Variants in WDR11 observed in about 807,000 individuals in gnomAD.
WDR11 encodes WD repeat-containing protein 11.
A neutral mutation model predicts 151.2 loss-of-function variants in WDR11; 83 were observed. The observed-to-expected ratio is 0.55, with a 90% CI of 0.46 to 0.66. The LOEUF (loss-of-function observed/expected upper bound fraction) is 0.66. Among genes scored for constraint, WDR11 ranks in the 30% least tolerant of loss-of-function variants. The pLI is 0.00. For synonymous variants in WDR11, 484 were observed against 533.1 expected (o/e 0.91, Z 1.27); for missense variants, 1,301 against 1,480.9 (o/e 0.88, Z 1.99).
chr10:120,881,078 CTT>C (rs893498826), intron 13 of WDR11, among the ~76,000 whole-genome samples, 177 bp downstream of exon 13: 1 of 152,114 alleles, frequency 6.6e-6, no homozygotes, highest in Non-Finnish European at 1.5e-5. Context: ...GTTGCTATCA[CTT>C]TTAATTCTCT....
chr10:120,890,158 G>T, intron 18 of WDR11, 149 bp downstream of exon 18: 1 of 614,222 alleles, frequency 1.6e-6, no homozygotes, highest in Non-Finnish European at 2.9e-6. Flanking sequence ...TTACTTTACA[G>T]TATTTGTGTT....
chr10:120,878,546 C>G, intron 12 of WDR11, 87 bp downstream of exon 12: 1 of 1,113,646 alleles, frequency 9.0e-7, no homozygotes, highest in Non-Finnish European at 1.3e-6. Flanking sequence ...CTTCTTTCAC[C>G]TTGGAATTTT....
In WDR11 at chr10:120,889,082, G is replaced by T. The variant is rs757956650; in HGVS notation, c.2126G>T (p.Ser709Ile). ...TTTGTTGCTGTTGTTTTCTAGGGAAGTATGGGTAGTATTACCTGCATCGCT... is the reference window on the plus strand; with the variant it reads ...TTTGTTGCTGTTGTTTTCTAGGGAATTATGGGTAGTATTACCTGCATCGCT... ...KDSARIPPDG[S>I]MGSITCIAWK... Residue 709 changes from serine (S) to isoleucine (I), a missense_variant, in exon 17 of 29, where the codon AGT becomes ATT. Coordinates refer to ENST00000263461, the MANE Select transcript of WDR11 (RefSeq NM_018117.12). The T allele has an allele frequency of 6.2e-7, 1 of 1,608,382 alleles. No individual in the cohort carries two copies. The highest frequency in any genetic ancestry group is 8.5e-7 in the Non-Finnish European group (1 of 1,174,876).
intron 10 of WDR11, among the ~76,000 whole-genome samples, chr10:120,873,496 C>T (rs1846621640): frequency 6.6e-6 from 1 of 152,244 alleles, no homozygotes; most frequent in Middle Eastern, 3.4e-3. Flanking sequence ...TATAATAAAC[C>T]TTCTGAGTCT....
At position 120,904,805 on chromosome 10, in the gene WDR11, T is replaced by C. The variant is rs751624598; in HGVS notation, c.3187T>C (p.Leu1063=). The C allele has an allele frequency of 3.1e-6, 5 of 1,614,186 alleles. No individual in the cohort carries two copies. Among genetic ancestry groups the C allele is most frequent in the Admixed American group, 3.3e-5 (2 of 60,022 alleles). ...VATNMIANGK[L]AEGVQLLCLI... The stretch of plus-strand genomic sequence containing the variant: ...AACGAATATGATTGCCAATGGCAAA[T>C]TGGCAGGTAAGGCACACTTGATATG... Residue 1063 remains leucine, a synonymous_variant, in exon 25 of 29, where the codon TTG becomes CTG. Transcript: ENST00000263461.
chr10:120,866,532 G>A (rs1846317494), intron 7 of WDR11, 37 bp from the exon 8 acceptor site: 3 of 1,611,848 alleles, frequency 1.9e-6, no homozygotes, highest in Non-Finnish European at 2.5e-6. Flanking sequence ...GTATCGATAT[G>A]GCTGCTTTCT....
At chr10:120,897,661 G>A (rs1206403740) in intron 19 of WDR11, among the ~76,000 whole-genome samples, 3 of 151,970 alleles carry the variant, frequency 2.0e-5, no homozygotes, top group Non-Finnish European at 4.4e-5. Context: ...CAGCTGACCA[G>A]GACTCTTCAA....
In WDR11 at chr10:120,859,450, G is replaced by T. The variant is rs539444952; in HGVS notation, c.352+654G>T. On this transcript the variant is annotated intron_variant, in intron 3 of 28. Transcript: ENST00000263461. ...ACCCAGCTAATTTTTTGTATTTTTAGTAGAGACGGGGTTTTACCATGTTAG... is the reference window on the plus strand; with the variant it reads ...ACCCAGCTAATTTTTTGTATTTTTATTAGAGACGGGGTTTTACCATGTTAG... Among the ~76,000 whole-genome samples, 235 of 151,740 alleles carry T rather than the reference G, an allele frequency of 1.5e-3. 1 individual carries two copies. In the South Asian group the frequency reaches 0.02, roughly 13 times the overall value.
chr10:120,897,720 C>T (rs1847664933), intron 19 of WDR11, among the ~76,000 whole-genome samples: 1 of 152,086 alleles, frequency 6.6e-6, no homozygotes, highest in Non-Finnish European at 1.5e-5. Flanking sequence ...GAGGACCATT[C>T]TAGATTGGAA....
At position 120,871,241 on chromosome 10, in the gene WDR11, C is replaced by T. The variant is rs754732618; in HGVS notation, c.1366C>T (p.Leu456=). 2 of 1,614,198 alleles carry T rather than the reference C, an allele frequency of 1.2e-6. No homozygotes were observed. Among genetic ancestry groups the T allele is most frequent in the Non-Finnish European group, 1.7e-6 (2 of 1,180,028 alleles). The stretch of plus-strand genomic sequence containing the variant: ...GCGGGAAGTGCACCTCAAGTTCCTG[C>T]TGACGGGACTGCTTTCAGGACTGCC... ...ILREVHLKFL[L]TGLLSGLPAP... Residue 456 remains leucine, a synonymous_variant, in exon 10 of 29, where the codon CTG becomes TTG. Coordinates refer to ENST00000263461, the MANE Select transcript of WDR11 (RefSeq NM_018117.12).
At chr10:120,863,426 TTC>T (rs1422492728) in intron 5 of WDR11, among the ~76,000 whole-genome samples, 1 of 152,192 alleles carries the variant, frequency 6.6e-6, no homozygotes, top group Non-Finnish European at 1.5e-5. Flanking sequence ...TTACTCAAAT[TTC>T]TCTCTCCCAG....
At chr10:120,878,326 T>A in intron 11 of WDR11, 27 bp from the exon 12 acceptor site, 1 of 1,528,526 alleles carries the variant, frequency 6.5e-7, no homozygotes, top group Non-Finnish European at 9.0e-7. Context: ...AGAATTAGTT[T>A]AACCTTTATC....
chr10:120,903,753 A>G (rs1407825237), intron 23 of WDR11, among the ~76,000 whole-genome samples: 1 of 152,232 alleles, frequency 6.6e-6, no homozygotes, highest in East Asian at 1.9e-4. Flanking sequence ...TGCTGTTCAC[A>G]TGATAATTTC....
chr10:120,873,647 G>A (rs1006060179), intron 10 of WDR11, among the ~76,000 whole-genome samples, 192 bp from the exon 11 acceptor site: 1 of 152,160 alleles, frequency 6.6e-6, no homozygotes, highest in Non-Finnish European at 1.5e-5. Context: ...CGTGAGGTTA[G>A]GCCCATTTTT....
intron 28 of WDR11, chr10:120,907,741 C>T (rs1177362580): frequency 6.6e-6 from 1 of 151,612 alleles, no homozygotes; most frequent in East Asian, 1.9e-4. Flanking sequence ...ACTTCCTGGG[C>T]TCAAGCAGTC....
chr10:120,883,774 T>C lies in WDR11; in HGVS notation c.1740-6T>C. 1 of 1,613,016 alleles carries C rather than the reference T, an allele frequency of 6.2e-7. No individual in the cohort carries two copies. The highest frequency in any genetic ancestry group is 8.5e-7 in the Non-Finnish European group (1 of 1,179,178). ...GGGGCTTATTTAGTAATTTTGTTTA[T>C]TTTAGGCAGTATTTGGCAGTCGTAT... On this transcript the variant is annotated splice_polypyrimidine_tract_variant and splice_region_variant and intron_variant, in intron 13 of 28. Transcript: ENST00000263461.
chr10:120,895,075 A>G (rs55996515), intron 19 of WDR11, among the ~76,000 whole-genome samples: 5,503 of 152,300 alleles, frequency 0.036, 354 homozygotes, highest in African/African-American at 0.13. Flanking sequence ...TCTTGCTTGC[A>G]TGATGTAAAC....
intron 8 of WDR11, 65 bp downstream of exon 8, chr10:120,866,829 C>T: frequency 6.3e-7 from 1 of 1,579,692 alleles, no homozygotes; most frequent in Non-Finnish European, 8.7e-7. Context: ...AAAAAATTTC[C>T]ATAATCATAA....
chr10:120,854,210 C>A (rs933663639), intron 2 of WDR11, among the ~76,000 whole-genome samples: 33 of 152,326 alleles, frequency 2.2e-4, no homozygotes, highest in Admixed American at 1.8e-3. Flanking sequence ...CCTTTGGCAA[C>A]CACTGACCTA....
Sources: gnomAD v4.1 joint callset for allele counts (sites outside exome capture counted in the v4.1 genomes callset) on GRCh38, gnomAD v4.1.1 for gene constraint, MANE v1.5 for transcripts, NCBI Gene and HGNC (gene_info 2026-07-23, HGNC 2026-07-21) for gene names.